The following SMTN variants were observed in gnomAD, a reference collection of about 807,000 sequenced individuals.
The protein encoded by SMTN is smoothelin.
In SMTN, 58 loss-of-function variants were observed where a neutral mutation model predicts 102.0. The ratio of observed to expected loss-of-function variants is 0.57; its 90% CI spans 0.46 to 0.71. The LOEUF (loss-of-function observed/expected upper bound fraction) is 0.71. Among genes scored for constraint, SMTN ranks in the 30% least tolerant of loss-of-function variants. SMTN has a pLI of 0.00. For missense variants in SMTN, 1,185 were observed against 1,241.7 expected, an observed-to-expected ratio of 0.95 and a Z score of 0.69; for synonymous variants, 478 against 497.9, an observed-to-expected ratio of 0.96 and a Z score of 0.53.
Position 31,097,183 on chromosome 22 carries a change from A to G in SMTN, c.2090-86A>G, listed in dbSNP as rs745340924. On this transcript the variant is annotated intron_variant, in intron 15 of 20. Coordinates refer to ENST00000333137, the MANE Select transcript of SMTN (RefSeq NM_134269.3). ...CACTTTCTCTTCTCTGCCTGCGGCT[A>G]TCACCACCCCTCCATACAGCCTCCC... 24 of 1,496,582 alleles carry G rather than the reference A, an allele frequency of 1.6e-5. No individual in the cohort carries two copies. The Admixed American group carries it at 2.5e-4, about 16-fold the overall frequency. 92.7% of individuals were successfully genotyped at this position (1,496,582 alleles called of 1,614,324 possible).
chr22:31,092,079 G>A (rs775280380), intron 11 of SMTN, among the ~76,000 whole-genome samples: 3 of 152,198 alleles, frequency 2.0e-5, no homozygotes, highest in Admixed American at 6.5e-5. Context: ...CTGTACTGGC[G>A]TTAAGCTTCC....
At chr22:31,078,659 CA>C (rs1259894204), upstream of SMTN, among the ~76,000 whole-genome samples, 1 of 152,244 alleles carries the variant, frequency 6.6e-6, no homozygotes, top group East Asian at 1.9e-4. Flanking sequence ...GGTCTTTGCT[CA>C]CACTGTTCCT....
intron 11 of SMTN, among the ~76,000 whole-genome samples, chr22:31,093,006 A>G (rs2043249650): frequency 6.6e-6 from 1 of 152,216 alleles, no homozygotes; most frequent in Admixed American, 6.5e-5. Flanking sequence ...TAAAGGGTAA[A>G]GGAGTACAGG....
chr22:31,093,824 C>A, intron 11 of SMTN: 1 of 1,591,530 alleles, frequency 6.3e-7, no homozygotes, highest in African/African-American at 1.3e-5. Flanking sequence ...CACCCACCTG[C>A]CTTCAGCACC....
intron 15 of SMTN, 90 bp downstream of exon 15, chr22:31,097,150 T>C: frequency 6.6e-7 from 1 of 1,505,884 alleles, no homozygotes; most frequent in Non-Finnish European, 9.2e-7. Flanking sequence ...TGTCTTCAAC[T>C]GTGCCGTCAC....
Position 31,092,047 on chromosome 22 carries a change from C to G in SMTN, c.1632+200C>G, listed in dbSNP as rs895859139. Among the ~76,000 whole-genome samples the G allele has an allele frequency of 1.1e-4, 17 of 152,322 alleles. No homozygotes were observed. The East Asian group carries it at 3.3e-3, about 29-fold the overall frequency. On this transcript the variant is annotated intron_variant, in intron 11 of 20. Transcript: ENST00000333137. ...AGGCCAGACCCTAGCATATCAGTCC[C>G]TAAGTGTGTCGGAAGCTTACTCTGT... is the stretch of plus-strand genomic sequence containing the variant.
In SMTN at chr22:31,095,486, G is replaced by A. The variant is rs757752294; in HGVS notation, c.1785+31G>A. 2 of 1,614,192 alleles carry A rather than the reference G, an allele frequency of 1.2e-6. No homozygotes were observed. Among genetic ancestry groups the A allele is most frequent in the South Asian group, 1.1e-5 (1 of 91,086 alleles). On this transcript the variant is annotated intron_variant, in intron 12 of 20. Coordinates refer to ENST00000333137, the MANE Select transcript of SMTN (RefSeq NM_134269.3). The surrounding 1 kb of genome is among the most constrained non-coding windows in gnomAD (Gnocchi z 4.1). The stretch of plus-strand genomic sequence containing the variant: ...GCCAGATCCGGTGGGCTGGGGGTTG[G>A]CAGAGGCCAGCAGGCACCAGGTAGG...
chr22:31,078,067 G>A (rs572727940), upstream of SMTN, among the ~76,000 whole-genome samples: 1 of 152,328 alleles, frequency 6.6e-6, no homozygotes, highest in South Asian at 2.1e-4. Context: ...TGCTAATGCT[G>A]TTCCCGTCTC....
chr22:31,079,238 A>G (rs2147516906), upstream of SMTN, among the ~76,000 whole-genome samples: 1 of 152,288 alleles, frequency 6.6e-6, no homozygotes, highest in South Asian at 2.1e-4. Flanking sequence ...ACTGTACCGG[A>G]CTGCCCTTTG....
At chr22:31,102,155 C>T (rs1218454604) in intron 20 of SMTN, 2 of 152,160 alleles carry the variant, frequency 1.3e-5, no homozygotes, top group East Asian at 1.9e-4. Flanking sequence ...TCTCTGGTCA[C>T]CTCACCTCAG....
In SMTN at chr22:31,089,994, G is replaced by T; in HGVS notation, c.767G>T (p.Ser256Ile). The change falls in exon 7 of 21, where the codon AGC becomes ATC. Residue 256 changes from serine (S) to isoleucine (I), a missense_variant. This residue lies in a region of SMTN where 1,096 missense variants were observed against 1,112.7 expected (regional missense o/e 0.98). Transcript: ENST00000333137. ...PEPQESPTLP[S>I]TEGQVVNKLL... ...CCTCAGGAGTCTCCAACGCTCCCCAGCACTGAGGGCCAGGTGGTCAACAAG... is the reference window on the plus strand; with the variant it reads ...CCTCAGGAGTCTCCAACGCTCCCCATCACTGAGGGCCAGGTGGTCAACAAG... 1 of 1,604,234 alleles carries T rather than the reference G, an allele frequency of 6.2e-7. No individual in the cohort carries two copies. The highest frequency in any genetic ancestry group is 8.5e-7 in the Non-Finnish European group (1 of 1,174,974).
intron 11 of SMTN, among the ~76,000 whole-genome samples, chr22:31,094,083 A>ACCCAGGC (rs1212564313): frequency 1.3e-5 from 2 of 152,090 alleles, no homozygotes; most frequent in Non-Finnish European, 2.9e-5. Context: ...CCCTGGCATG[A>ACCCAGGC]CCCAGGCCCC....
intron 20 of SMTN, chr22:31,104,078 G>T: frequency 1.8e-6 from 1 of 545,512 alleles, no homozygotes; most frequent in Non-Finnish European, 3.3e-6. Flanking sequence ...ACTGGGATGG[G>T]GCTCTCTTCT....
chr22:31,091,000 G>A lies in SMTN; in HGVS notation c.977G>A (p.Arg326Gln), dbSNP rs757916551. The A allele has an allele frequency of 1.2e-5, 19 of 1,613,776 alleles. No individual in the cohort carries two copies. Among genetic ancestry groups the A allele is most frequent in the Non-Finnish European group, 1.5e-5 (18 of 1,179,856 alleles). ...PLASGPSSFQ[R>Q]AGSVRDRVHK... ...GCCAGCGGACCTTCCTCATTCCAGC[G>A]GGCTGGCTCTGTGCGGGATCGTGTC... The change falls in exon 10 of 21, where the codon CGG (arginine) becomes CAG (glutamine). Residue 326 changes from arginine to glutamine, a missense_variant. Arg to Gln is a conservative substitution (Grantham distance 43, BLOSUM62 1). Around this residue, in one of 2 missense-constraint regions of SMTN, gnomAD observed 1,096 missense variants for 1,112.7 expected, o/e 0.98. Transcript: ENST00000333137.
chr22:31,083,996 AAGGG>A (rs1569240789), intron 2 of SMTN, among the ~76,000 whole-genome samples: 2 of 152,200 alleles, frequency 1.3e-5, no homozygotes, highest in African/African-American at 4.8e-5. Context: ...CTGTAAAATG[AAGGG>A]AGGGAGGGAG....
chr22:31,073,781 C>G (rs117509897), intron 1 of SMTN, among the ~76,000 whole-genome samples: 1 of 152,196 alleles, frequency 6.6e-6, no homozygotes, highest in African/African-American at 2.4e-5. Context: ...AAACAGCAAC[C>G]GTTTTTTTAG....
intron 1 of SMTN, among the ~76,000 whole-genome samples, chr22:31,068,855 G>A (rs1290808359): frequency 1.3e-5 from 2 of 152,282 alleles, no homozygotes; most frequent in East Asian, 1.9e-4. Flanking sequence ...CTTCAGATAC[G>A]TGCTCTGGGA....
At chr22:31,069,195 TCAACTTC>T (rs1419016207) in intron 1 of SMTN, among the ~76,000 whole-genome samples, 11 of 152,152 alleles carry the variant, frequency 7.2e-5, no homozygotes, top group African/African-American at 2.2e-4. Flanking sequence ...TCTGATTGAA[TCAACTTC>T]CAGGATCCTT....
At position 31,086,112 on chromosome 22, in the gene SMTN, C is replaced by T. The variant is rs375659669; in HGVS notation, c.52-1853C>T. On this transcript the variant is annotated intron_variant, in intron 2 of 20. Transcript: ENST00000333137. ...TCTAGGCCTGAGACACAGCCAGCAC[C>T]GGGGGCTGGGGAGTGAGCCTCATTC... is the stretch of plus-strand genomic sequence containing the variant. 4.6e-5 allele frequency among the ~76,000 whole-genome samples: 7 copies of T among 152,208 alleles called. No individual in the cohort carries two copies. In the East Asian group the frequency reaches 1.2e-3, roughly 25 times the overall value.
Sources: gnomAD v4.1 joint callset for allele counts (sites outside exome capture counted in the v4.1 genomes callset) on GRCh38, gnomAD v4.1.1 for gene constraint, gnomAD v4.1.1 regional missense constraint, Gnocchi (gnomAD v3.1) non-coding constraint, MANE v1.5 for transcripts, NCBI Gene and HGNC (gene_info 2026-07-23, HGNC 2026-07-21) for gene names.